The following PCDHA3 variants were observed in gnomAD, a reference collection of about 807,000 sequenced individuals.
PCDHA3 encodes protocadherin alpha-3.
In PCDHA3, 41 loss-of-function variants were observed where a neutral mutation model predicts 62.2. The observed-to-expected ratio is 0.66, with a 90% CI of 0.51 to 0.86. The LOEUF (loss-of-function observed/expected upper bound fraction) is 0.86. Among genes scored for constraint, PCDHA3 ranks in the 40% least tolerant of loss-of-function variants. PCDHA3 has a pLI of 0.00. For synonymous variants in PCDHA3, 640 were observed against 555.4 expected (o/e 1.15, Z -2.14); for missense variants, 1,304 against 1,241.2 (o/e 1.05, Z -0.76).
At chr5:140,924,872 G>C (rs1161649938) in intron 1 of PCDHA3, among the ~76,000 whole-genome samples, 1 of 149,350 alleles carries the variant, frequency 6.7e-6, no homozygotes, top group Non-Finnish European at 1.5e-5. Context: ...TCCAGCCTGG[G>C]TGACAGAGCA....
intron 1 of PCDHA3, among the ~76,000 whole-genome samples, chr5:140,922,818 C>G (rs530870255): frequency 6.6e-6 from 1 of 152,326 alleles, no homozygotes; most frequent in South Asian, 2.1e-4. Context: ...GGAGATACAG[C>G]ATACTGCTAA....
chr5:140,831,150 G>C (rs2150192087), intron 1 of PCDHA3: 1 of 152,114 alleles, frequency 6.6e-6, no homozygotes, highest in African/African-American at 2.4e-5. Context: ...ATTTACTACC[G>C]ATCTAAATAA....
chr5:140,836,416 C>T (rs2150260250), intron 1 of PCDHA3: 62 of 1,613,794 alleles, frequency 3.8e-5, no homozygotes, highest in Non-Finnish European at 5.0e-5. Context: ...GCACCAAAGG[C>T]GTCGTCGCGG....
At chr5:140,883,027 G>A in intron 1 of PCDHA3, 1 of 1,614,126 alleles carries the variant, frequency 6.2e-7, no homozygotes, top group Non-Finnish European at 8.5e-7. Context: ...CGGTGTTAGA[G>A]AACGCCTTCA....
chr5:140,802,361 G>T lies in PCDHA3; in HGVS notation c.1164G>T (p.Ser388=). The change falls in exon 1 of 4, where the codon TCG becomes TCT. Residue 388 remains serine, a synonymous_variant. Transcript: ENST00000522353. ...DSGVNGQVTC[S]LTPHVPFKLV... is the part of the protein sequence containing the mutation. The stretch of plus-strand genomic sequence containing the variant: ...GAGTCAATGGACAGGTCACCTGCTC[G>T]CTGACGCCCCACGTCCCCTTCAAGC... 1 of 1,614,220 alleles carries T rather than the reference G, an allele frequency of 6.2e-7. No homozygotes were observed. Among genetic ancestry groups the T allele is most frequent in the South Asian group, 1.1e-5 (1 of 91,086 alleles).
chr5:140,873,161 C>T (rs946054760), intron 1 of PCDHA3, among the ~76,000 whole-genome samples: 11 of 152,012 alleles, frequency 7.2e-5, no homozygotes, highest in South Asian at 4.2e-4. Context: ...GACTTTAGAT[C>T]GAGAGCTTTT....
intron 1 of PCDHA3, chr5:140,860,059 T>A (rs894082800): frequency 2.7e-5 from 4 of 150,452 alleles, no homozygotes; most frequent in African/African-American, 9.8e-5. Context: ...GAGGCCAAGG[T>A]GGGAGGATGG....
Position 140,822,323 on chromosome 5 carries a change from C to T in PCDHA3, c.2394+18732C>T, listed in dbSNP as rs2150115506. On this transcript the variant is annotated intron_variant, in intron 1 of 3. Transcript: ENST00000522353. ...GAATATTTTGACTTAGATGTTAAAACAAATGAAGAAGAAACGAACTTTTTA... is the reference window on the plus strand; with the variant it reads ...GAATATTTTGACTTAGATGTTAAAATAAATGAAGAAGAAACGAACTTTTTA... 2.5e-6 allele frequency: 4 copies of T among 1,613,964 alleles called. No individual in the cohort carries two copies. The African/African-American group carries it at 5.3e-5, about 22-fold the overall frequency.
chr5:140,852,582 ATT>A (rs527656692), intron 1 of PCDHA3: 197 of 691,142 alleles, frequency 2.9e-4, no homozygotes, highest in Middle Eastern at 7.5e-4. Context: ...AGGCTTTTTT[ATT>A]TTTTTTTTTT....
At position 140,951,544 on chromosome 5, in the gene PCDHA3, G is replaced by A. The variant is rs543008494; in HGVS notation, c.2395-27405G>A. On this transcript the variant is annotated intron_variant, in intron 1 of 3. Transcript: ENST00000522353. ...CATGGCCGGTGCAGGAGCAAGGGAC[G>A]GGGGGAAGTGCTACGCACTTTTAAA... Among the ~76,000 whole-genome samples the A allele has an allele frequency of 1.4e-3, 220 of 151,994 alleles. 1 individual carries two copies. The highest frequency in any genetic ancestry group is 4.9e-3 in the African/African-American group (204 of 41,462).
At chr5:140,963,168 T>G (rs1554226465) in intron 1 of PCDHA3, among the ~76,000 whole-genome samples, 1 of 152,160 alleles carries the variant, frequency 6.6e-6, no homozygotes, top group East Asian at 1.9e-4. Flanking sequence ...ACATGCCATC[T>G]TACAGATATG....
intron 1 of PCDHA3, chr5:140,876,545 C>T (rs1281346113): frequency 6.2e-7 from 1 of 1,614,082 alleles, no homozygotes; most frequent in Non-Finnish European, 8.5e-7. Flanking sequence ...CTGTCGCTCC[C>T]TGTGCAAGAG....
At chr5:140,830,524 T>G in intron 1 of PCDHA3, 1 of 1,314,736 alleles carries the variant, frequency 7.6e-7, no homozygotes. Context: ...ATTTTTATTT[T>G]AAATTTATAA....
intron 3 of PCDHA3, among the ~76,000 whole-genome samples, chr5:140,997,397 A>G (rs782082443): frequency 4.6e-5 from 7 of 152,194 alleles, no homozygotes; most frequent in African/African-American, 7.2e-5. Flanking sequence ...CTTAGGCTCT[A>G]TCGTATGGCC....
intron 1 of PCDHA3, chr5:140,812,284 GA>G (rs1554125942): frequency 1.3e-5 from 2 of 151,872 alleles, no homozygotes; most frequent in Non-Finnish European, 2.9e-5. Flanking sequence ...CTAGGTTATT[GA>G]ATTTTTTGGT....
intron 1 of PCDHA3, chr5:140,967,255 T>G (rs202164321): frequency 2.5e-6 from 4 of 1,613,342 alleles, no homozygotes; most frequent in Non-Finnish European, 3.4e-6. Context: ...CGGTGGCGCC[T>G]GGAGCGCGCT....
At chr5:140,967,306 C>G (rs1554229415) in intron 1 of PCDHA3, 2 of 1,612,350 alleles carry the variant, frequency 1.2e-6, no homozygotes, top group African/African-American at 2.7e-5. Flanking sequence ...TGGGCGCCAA[C>G]TCAGTACAGA....
At chr5:140,924,208 G>T (rs1197265860) in intron 1 of PCDHA3, among the ~76,000 whole-genome samples, 1 of 152,238 alleles carries the variant, frequency 6.6e-6, no homozygotes, top group Non-Finnish European at 1.5e-5. Flanking sequence ...GAAATTTGGT[G>T]AAGAATAAGT....
intron 1 of PCDHA3, among the ~76,000 whole-genome samples, chr5:140,962,106 C>T (rs1156902232): frequency 4.6e-5 from 7 of 152,130 alleles, no homozygotes; most frequent in Non-Finnish European, 7.4e-5. Context: ...AGGATGGTCT[C>T]GATCTCCTAA....
Sources: gnomAD v4.1 joint callset for allele counts (sites outside exome capture counted in the v4.1 genomes callset) on GRCh38, gnomAD v4.1.1 for gene constraint, MANE v1.5 for transcripts, NCBI Gene and HGNC (gene_info 2026-07-23, HGNC 2026-07-21) for gene names.